The following SCMH1 variants were observed in gnomAD, a reference collection of about 807,000 sequenced individuals.
The protein encoded by SCMH1 is Scm polycomb group protein homolog 1.
In SCMH1, 37 loss-of-function variants were observed where a neutral mutation model predicts 70.8. That is an observed-to-expected ratio of 0.52 (90% CI 0.40 to 0.69). The LOEUF (loss-of-function observed/expected upper bound fraction) is 0.69, where lower values mean the gene tolerates loss of function less well. SCMH1 is among the 30% of genes least tolerant of loss of function. The probability of loss-of-function intolerance (pLI) is 0.00; values close to 1 mark genes in which losing one functional copy is unlikely to be tolerated. For synonymous variants in SCMH1, 292 were observed against 307.4 expected (o/e 0.95, Z 0.52); for missense variants, 607 against 827.3 (o/e 0.73, Z 3.27).
chr1:41,099,753 C>A (rs776750703), intron 8 of SCMH1, among the ~76,000 whole-genome samples: 2 of 152,160 alleles, frequency 1.3e-5, no homozygotes, highest in Non-Finnish European at 2.9e-5. Context: ...CTTTCTGAGC[C>A]CGTTTCCTTA....
chr1:41,114,368 C>T (rs1272996268), intron 7 of SCMH1, among the ~76,000 whole-genome samples: 2 of 152,112 alleles, frequency 1.3e-5, no homozygotes, highest in Non-Finnish European at 2.9e-5. Context: ...TATTCTGTTC[C>T]CTTAATCTTA....
chr1:41,185,288 G>A (rs939908712), intron 2 of SCMH1, among the ~76,000 whole-genome samples: 1 of 152,146 alleles, frequency 6.6e-6, no homozygotes, highest in African/African-American at 2.4e-5. Context: ...TTACATAAGT[G>A]TGATAAAGTG....
intron 1 of SCMH1, among the ~76,000 whole-genome samples, chr1:41,211,572 T>G (rs1657033866): frequency 6.6e-6 from 1 of 151,942 alleles, no homozygotes; most frequent in Admixed American, 6.6e-5. Flanking sequence ...TTGGTGGGAG[T>G]GTAAATTAGT....
chr1:41,086,883 A>C (rs1020058315), intron 8 of SCMH1, among the ~76,000 whole-genome samples: 9 of 78,984 alleles, frequency 1.1e-4, no homozygotes, highest in African/African-American at 2.3e-4. Flanking sequence ...AAAACAAAAC[A>C]AAACCAAAAA....
intron 9 of SCMH1, among the ~76,000 whole-genome samples, chr1:41,073,562 G>A (rs1176140520): frequency 6.6e-6 from 1 of 152,098 alleles, no homozygotes; most frequent in African/African-American, 2.4e-5. Flanking sequence ...AGGTGATACT[G>A]AGAATTCGAA....
At chr1:41,144,416 T>C (rs555673805) in intron 5 of SCMH1, among the ~76,000 whole-genome samples, 1 of 152,342 alleles carries the variant, frequency 6.6e-6, no homozygotes, top group Non-Finnish European at 1.5e-5. Context: ...GGTTCACCCA[T>C]GTCAATGAGT....
At chr1:41,037,333 A>G (rs768500483) in intron 13 of SCMH1, 29 bp downstream of exon 13, 1 of 1,604,334 alleles carries the variant, frequency 6.2e-7, no homozygotes. Flanking sequence ...TGAGGGAGGG[A>G]AGGAGGGCCA....
intron 10 of SCMH1, among the ~76,000 whole-genome samples, chr1:41,057,955 T>C (rs1558514239): frequency 6.6e-6 from 1 of 151,850 alleles, no homozygotes. Flanking sequence ...ACCTTGTCTC[T>C]ACTAAAATTA....
At chr1:41,063,396 C>T (rs1185966197) in intron 10 of SCMH1, among the ~76,000 whole-genome samples, 1 of 151,384 alleles carries the variant, frequency 6.6e-6, no homozygotes, top group African/African-American at 2.4e-5. Context: ...TCACTTGAAC[C>T]TGGGAGGTGG....
chr1:41,143,344 T>C (rs1302154926), intron 5 of SCMH1, among the ~76,000 whole-genome samples: 8 of 152,122 alleles, frequency 5.3e-5, no homozygotes. Flanking sequence ...GACAAGAATG[T>C]CTTATATAGG....
intron 10 of SCMH1, among the ~76,000 whole-genome samples, chr1:41,062,296 G>A (rs1652947196): frequency 6.6e-6 from 1 of 151,986 alleles, no homozygotes; most frequent in Non-Finnish European, 1.5e-5. Flanking sequence ...GAAATAACAA[G>A]AGAAATTTAA....
intron 1 of SCMH1, among the ~76,000 whole-genome samples, chr1:41,210,324 C>T (rs1656698489): frequency 6.6e-6 from 1 of 152,176 alleles, no homozygotes; most frequent in African/African-American, 2.4e-5. Context: ...ATCAAGCTAC[C>T]AATGACTTTC....
intron 6 of SCMH1, among the ~76,000 whole-genome samples, chr1:41,124,326 T>C (rs1315329120): frequency 6.6e-6 from 1 of 152,168 alleles, no homozygotes; most frequent in East Asian, 1.9e-4. Flanking sequence ...GAAATTTAAT[T>C]AAAAATATTC....
chr1:41,074,678 G>A (rs1433468121), intron 9 of SCMH1, among the ~76,000 whole-genome samples: 1 of 152,156 alleles, frequency 6.6e-6, no homozygotes, highest in Non-Finnish European at 1.5e-5. Context: ...AAATATGAGT[G>A]ACTTTCAAAG....
chr1:41,028,610 G>T, exon 14 of SCMH1: 3 of 1,614,160 alleles, frequency 1.9e-6, no homozygotes, highest in Non-Finnish European at 2.5e-6. Flanking sequence ...TCAGCGTGGG[G>T]TCCAAGCTGA....
Position 41,092,351 on chromosome 1 carries a change from A to G in SCMH1, c.746-16900T>C, listed in dbSNP as rs192904931. The stretch of plus-strand genomic sequence containing the variant: ...AAAGCTGAAACTGGATCCCTTCCTT[A>G]CACCTTATACAAAAATTAATTCAAG... On this transcript the variant is annotated intron_variant, in intron 8 of 14. Transcript: ENST00000337495. Among the ~76,000 whole-genome samples the G allele has an allele frequency of 1.1e-3, 175 of 152,318 alleles. 1 individual carries two copies. Among genetic ancestry groups the G allele is most frequent in the African/African-American group, 3.8e-3 (157 of 41,566 alleles).
Position 41,215,388 on chromosome 1 carries a change from C to T in SCMH1, c.-118+26671G>A, listed in dbSNP as rs562268082. On this transcript the variant is annotated intron_variant, in intron 1 of 14. Transcript: ENST00000337495. ...CCACCAGAACCCTTGGCACAGTATA[C>T]ATAACACTTCAAAACCTAAATCCTT... is the stretch of plus-strand genomic sequence containing the variant. Among the ~76,000 whole-genome samples, 4 of 152,302 alleles carry T rather than the reference C, an allele frequency of 2.6e-5. No individual in the cohort carries two copies. In the South Asian group the frequency reaches 8.3e-4, roughly 32 times the overall value.
At chr1:41,032,861 C>T (rs1321943136) in intron 13 of SCMH1, among the ~76,000 whole-genome samples, 2 of 152,080 alleles carry the variant, frequency 1.3e-5, no homozygotes, top group Non-Finnish European at 2.9e-5. Context: ...CACCTGTAAT[C>T]CCAGCTACTC....
chr1:41,107,833 A>G (rs1187592746), intron 8 of SCMH1, among the ~76,000 whole-genome samples: 1 of 152,184 alleles, frequency 6.6e-6, no homozygotes, highest in African/African-American at 2.4e-5. Context: ...TTACAATTTA[A>G]TTAACTCTTT....
Sources: gnomAD v4.1 joint callset for allele counts (sites outside exome capture counted in the v4.1 genomes callset) on GRCh38, gnomAD v4.1.1 for gene constraint, MANE v1.5 for transcripts, NCBI Gene and HGNC (gene_info 2026-07-23, HGNC 2026-07-21) for gene names.